SOCS4: variants seen among roughly 807,000 people sequenced by gnomAD.
The protein encoded by SOCS4 is SH2 domain containing SOCS box protein.
In SOCS4, 20 loss-of-function variants were observed where a neutral mutation model predicts 34.1. The ratio of observed to expected loss-of-function variants is 0.59; its 90% CI spans 0.41 to 0.85. The LOEUF is 0.85. Among genes scored for constraint, SOCS4 ranks in the 40% least tolerant of loss-of-function variants. The probability of loss-of-function intolerance (pLI) is 0.00; values close to 1 mark genes in which losing one functional copy is unlikely to be tolerated. For missense variants in SOCS4, 479 were observed against 532.4 expected, an observed-to-expected ratio of 0.90 and a Z score of 0.99; for synonymous variants, 180 against 186.4, an observed-to-expected ratio of 0.97 and a Z score of 0.28.
chr14:55,042,301 A>G (rs527344330), intron 2 of SOCS4, among the ~76,000 whole-genome samples: 1 of 152,230 alleles, frequency 6.6e-6, no homozygotes, highest in Non-Finnish European at 1.5e-5. Context: ...GCTAATTTTT[A>G]TCAATTTTGT....
rs369356534 is a variant in SOCS4, at chr14:55,044,030, C to G, written c.989C>G (p.Ser330Cys). ...FSVSFRRYSR[S>C]LHARIEQWNH... ...GTTAGTTTTAGACGCTATAGTCGTT[C>G]TCTTCATGCTAGAATTGAACAGTGG... is the stretch of plus-strand genomic sequence containing the variant. Residue 330 changes from serine (S) to cysteine (C), a missense_variant, in exon 3 of 3, where the codon TCT becomes TGT. By Grantham distance (112) the Ser-to-Cys change is moderately radical. Coordinates refer to ENST00000555846, the MANE Select transcript of SOCS4 (RefSeq NM_199421.2). 12 of 1,614,022 alleles carry G rather than the reference C, an allele frequency of 7.4e-6. No individual in the cohort carries two copies. Among genetic ancestry groups the G allele is most frequent in the African/African-American group, 1.3e-5 (1 of 74,902 alleles).
rs2042678015 is a variant in SOCS4, at chr14:55,046,552, G to A, written c.*2188G>A. ...TATTTATATGAAAGTCAAGATCTAA[G>A]TACCTTTTCATATAATTCAAACTGA... is the stretch of plus-strand genomic sequence containing the variant. On this transcript the variant is annotated 3_prime_UTR_variant, in exon 3 of 3. Transcript: ENST00000555846. 6.0e-6 allele frequency: 1 copy of A among 166,544 alleles called. No individual in the cohort carries two copies. Among genetic ancestry groups the A allele is most frequent in the East Asian group, 1.9e-4 (1 of 5,196 alleles). 10.3% of individuals were successfully genotyped at this position (166,544 alleles called of 1,614,324 possible). A position where few individuals can be genotyped will look rare whatever the true frequency, so the allele number is the denominator to read the frequency against.
At chr14:55,028,378 G>T (rs1476257453) in intron 1 of SOCS4, among the ~76,000 whole-genome samples, 1 of 152,064 alleles carries the variant, frequency 6.6e-6, no homozygotes, top group South Asian at 2.1e-4. Context: ...TCCCGAAAGA[G>T]CAGTGGTACC....
rs2042661416 is a variant in SOCS4 at position 55,044,939 on chromosome 14, A to C, written c.*575A>C. On this transcript the variant is annotated 3_prime_UTR_variant, in exon 3 of 3. Coordinates refer to ENST00000555846, the MANE Select transcript of SOCS4 (RefSeq NM_199421.2). The stretch of plus-strand genomic sequence containing the variant: ...TAATAGGGATGTTAAAAGTAACAAA[A>C]CCAAGTCAAACTTGGTGTATTTTTA... 6.0e-6 allele frequency: 1 copy of C among 167,024 alleles called. No individual in the cohort carries two copies. The highest frequency in any genetic ancestry group is 2.4e-5 in the African/African-American group (1 of 41,444). The allele number at this position is 167,024 out of a possible 1,614,324, so 10.3% of individuals were successfully genotyped here.
chr14:55,032,046 C>G (rs988187956), intron 2 of SOCS4, 55 bp downstream of exon 2: 2 of 151,994 alleles, frequency 1.3e-5, no homozygotes, highest in Non-Finnish European at 1.5e-5. Flanking sequence ...TAATTACTAC[C>G]AGAATAATAA....
chr14:55,047,426 T>G lies in SOCS4; in HGVS notation c.*3062T>G, dbSNP rs1191863916. On this transcript the variant is annotated 3_prime_UTR_variant, in exon 3 of 3. Coordinates refer to ENST00000555846, the MANE Select transcript of SOCS4 (RefSeq NM_199421.2). ...GCTGAATGGACTTTTTAAGGTTCCT[T>G]TAGCATTTTTGTATAGAGTTATATG... 6.0e-6 allele frequency: 1 copy of G among 167,052 alleles called. No individual in the cohort carries two copies. The highest frequency in any genetic ancestry group is 1.5e-5 in the Non-Finnish European group (1 of 68,118). The allele number at this position is 167,052 out of a possible 1,614,324, so 10.3% of individuals were successfully genotyped here.
At chr14:55,031,647 G>C (rs534394658) in intron 1 of SOCS4, among the ~76,000 whole-genome samples, 1 of 152,324 alleles carries the variant, frequency 6.6e-6, no homozygotes, top group East Asian at 1.9e-4. Flanking sequence ...AGGGAAAGGA[G>C]GGTGTAGTGC....
At chr14:55,034,383 A>C (rs1285711256) in intron 2 of SOCS4, among the ~76,000 whole-genome samples, 4 of 152,226 alleles carry the variant, frequency 2.6e-5, no homozygotes, top group Admixed American at 6.5e-5. Flanking sequence ...AAAATATCTG[A>C]TGACATTCTG....
intron 2 of SOCS4, among the ~76,000 whole-genome samples, chr14:55,032,691 T>A (rs1242421337): frequency 6.6e-6 from 1 of 152,246 alleles, no homozygotes; most frequent in Non-Finnish European, 1.5e-5. Context: ...GTCAAAGATC[T>A]TTGATTTGTC....
In SOCS4 at chr14:55,047,301, G is replaced by A. The variant is rs2042685427; in HGVS notation, c.*2937G>A. ...CCTGGGCTAATCAGGAAATAAACTTGACTTTTCTATTTTTCTCTGAAGCTT... is the reference window on the plus strand; with the variant it reads ...CCTGGGCTAATCAGGAAATAAACTTAACTTTTCTATTTTTCTCTGAAGCTT... On this transcript the variant is annotated 3_prime_UTR_variant, in exon 3 of 3. Coordinates refer to ENST00000555846, the MANE Select transcript of SOCS4 (RefSeq NM_199421.2). 1.2e-5 allele frequency: 2 copies of A among 167,020 alleles called. No homozygotes were observed. Among genetic ancestry groups the A allele is most frequent in the South Asian group, 4.1e-4 (2 of 4,832 alleles). The allele number at this position is 167,020 out of a possible 1,614,324, so 10.3% of individuals were successfully genotyped here.
At chr14:55,032,589 C>T (rs1279110375) in intron 2 of SOCS4, among the ~76,000 whole-genome samples, 2 of 151,976 alleles carry the variant, frequency 1.3e-5, no homozygotes, top group African/African-American at 4.8e-5. Context: ...TAGCTGCCTT[C>T]GTAAAAAATT....
intron 2 of SOCS4, among the ~76,000 whole-genome samples, chr14:55,035,047 G>A (rs1290601557): frequency 1.3e-5 from 2 of 152,026 alleles, no homozygotes; most frequent in Non-Finnish European, 2.9e-5. Flanking sequence ...TTTTAGTAGA[G>A]AGGAGATTTT....
At chr14:55,034,894 T>A (rs909684331) in intron 2 of SOCS4, among the ~76,000 whole-genome samples, 3 of 149,114 alleles carry the variant, frequency 2.0e-5, no homozygotes, top group Non-Finnish European at 4.5e-5. Flanking sequence ...GGAATCTTGC[T>A]CTGTCGCCCA....
At chr14:55,033,868 C>T (rs1322956810) in intron 2 of SOCS4, among the ~76,000 whole-genome samples, 1 of 152,214 alleles carries the variant, frequency 6.6e-6, no homozygotes, top group Non-Finnish European at 1.5e-5. Context: ...CACGGTGGCG[C>T]ATGCCTGTAA....
chr14:55,035,355 C>T (rs924566163), intron 2 of SOCS4, among the ~76,000 whole-genome samples: 3 of 152,164 alleles, frequency 2.0e-5, no homozygotes, highest in Non-Finnish European at 4.4e-5. Context: ...GTTTTGTTAG[C>T]GTGTAAACTT....
At chr14:55,030,098 C>G (rs2042515420) in intron 1 of SOCS4, among the ~76,000 whole-genome samples, 1 of 152,110 alleles carries the variant, frequency 6.6e-6, no homozygotes, top group Non-Finnish European at 1.5e-5. Context: ...GGTCTTTCAC[C>G]TAGTCCAAGG....
At chr14:55,028,796 T>C (rs2042498523) in intron 1 of SOCS4, among the ~76,000 whole-genome samples, 1 of 152,192 alleles carries the variant, frequency 6.6e-6, no homozygotes, top group Admixed American at 6.5e-5. Context: ...AGTTTAACAG[T>C]CCTGGGTTTT....
At position 55,034,943 on chromosome 14, in the gene SOCS4, C is replaced by T. The variant is rs548588106; in HGVS notation, c.-91+2952C>T. Among the ~76,000 whole-genome samples, 139 of 151,898 alleles carry T rather than the reference C, an allele frequency of 9.2e-4. 3 individuals are homozygous for T. The highest frequency in any genetic ancestry group is 3.1e-3 in the African/African-American group (128 of 41,438). On this transcript the variant is annotated intron_variant, in intron 2 of 2. Coordinates refer to ENST00000555846, the MANE Select transcript of SOCS4 (RefSeq NM_199421.2). Reference sequence around the variant, plus strand: ...TGGTGCAATCTTGGCTCACTGCAACCGCCGCCTCCCAGGTTCAAGCCATTC... The same window carrying T: ...TGGTGCAATCTTGGCTCACTGCAACTGCCGCCTCCCAGGTTCAAGCCATTC...
At position 55,045,561 on chromosome 14, in the gene SOCS4, G is replaced by A. The variant is rs2042667865; in HGVS notation, c.*1197G>A. 2 of 166,836 alleles carry A rather than the reference G, an allele frequency of 1.2e-5. No individual in the cohort carries two copies. Among genetic ancestry groups the A allele is most frequent in the South Asian group, 4.1e-4 (2 of 4,832 alleles). The allele number at this position is 166,836 out of a possible 1,614,324, so 10.3% of individuals were successfully genotyped here. A position where few individuals can be genotyped will look rare whatever the true frequency, so the allele number is the denominator to read the frequency against. On this transcript the variant is annotated 3_prime_UTR_variant, in exon 3 of 3. Transcript: ENST00000555846. Reference sequence around the variant, plus strand: ...ACAGCTACATGACTTACACCATACAGAACAGTACTGGACAAAAGGGGTGAT... The same window carrying A: ...ACAGCTACATGACTTACACCATACAAAACAGTACTGGACAAAAGGGGTGAT...
Sources: allele counts gnomAD v4.1 joint callset (sites outside exome capture counted in the v4.1 genomes callset), GRCh38; gene constraint gnomAD v4.1.1; transcripts MANE v1.5; gene names NCBI Gene and HGNC (gene_info 2026-07-23, HGNC 2026-07-21).